Variants in LTBP1 observed in about 807,000 individuals in gnomAD.
LTBP1 encodes latent transforming growth factor beta binding protein 1, also known as latent-transforming growth factor beta-binding protein 1.
A neutral mutation model predicts 207.6 loss-of-function variants in LTBP1; 129 were observed. That is an observed-to-expected ratio of 0.62 (90% confidence interval 0.54 to 0.72). LTBP1 has a LOEUF of 0.72. Ranked by LOEUF, LTBP1 falls within the 30% of genes least tolerant of loss-of-function variation. LTBP1 has a pLI of 0.00. For missense variants in LTBP1, 2,281 were observed against 2,217.2 expected (o/e 1.03, Z -0.58); for synonymous variants, 963 against 833.7 (o/e 1.16, Z -2.67).
intron 22 of LTBP1, among the ~76,000 whole-genome samples, chr2:33,303,643 C>T (rs1446152955): frequency 6.6e-6 from 1 of 152,128 alleles, no homozygotes; most frequent in African/African-American, 2.4e-5. Flanking sequence ...AGCCACCGCA[C>T]CTGGCCTGCA....
chr2:33,103,081 G>T (rs924557287), intron 3 of LTBP1, among the ~76,000 whole-genome samples: 1 of 151,422 alleles, frequency 6.6e-6, no homozygotes, highest in African/African-American at 2.4e-5. Flanking sequence ...TAATCTGTAT[G>T]CTGTATGCAC....
intron 10 of LTBP1, 127 bp downstream of exon 10, chr2:33,243,911 T>C: frequency 9.2e-7 from 1 of 1,084,528 alleles, no homozygotes; most frequent in Non-Finnish European, 1.3e-6. Context: ...TTAATTAAAA[T>C]AACAAGCAAG....
chr2:33,173,957 G>A (rs9678843), intron 5 of LTBP1, among the ~76,000 whole-genome samples: 1,654 of 119,128 alleles, frequency 0.014, 48 homozygotes, highest in Middle Eastern at 0.054. Flanking sequence ...ATTCAACAAC[G>A]CTTCATGCTA....
rs911027969 is a variant in LTBP1, at chr2:33,232,220, A to G, written c.1876+10069A>G. ...AGATGAGGAACCCAATCAGATATCC[A>G]GCATGGGGGATTCTGGCTAAACTAA... On this transcript the variant is annotated intron_variant, in intron 9 of 33. Transcript: ENST00000404816. 4.5e-4 allele frequency among the ~76,000 whole-genome samples: 69 copies of G among 152,290 alleles called. 1 individual carries two copies. Among genetic ancestry groups the G allele is most frequent in the African/African-American group, 7.2e-5 (3 of 41,560 alleles).
At chr2:33,246,926 T>G (rs1244293498) in intron 10 of LTBP1, among the ~76,000 whole-genome samples, 1 of 152,118 alleles carries the variant, frequency 6.6e-6, no homozygotes, top group Non-Finnish European at 1.5e-5. Flanking sequence ...TGCTACCTGA[T>G]TTATGGGGAA....
intron 5 of LTBP1, among the ~76,000 whole-genome samples, chr2:33,145,394 G>A (rs1410045086): frequency 1.3e-5 from 2 of 152,164 alleles, no homozygotes; most frequent in South Asian, 2.1e-4. Flanking sequence ...CTAGTGTAGA[G>A]ATTCAGCCCA....
intron 2 of LTBP1, among the ~76,000 whole-genome samples, chr2:32,950,040 TAA>T (rs1466932860): frequency 5.9e-5 from 9 of 152,368 alleles, no homozygotes; most frequent in East Asian, 5.8e-4. Context: ...CATTTTAGAT[TAA>T]GTCATAATTT....
At chr2:33,257,178 C>A in intron 11 of LTBP1, 106 bp from the exon 12 acceptor site, 1 of 785,074 alleles carries the variant, frequency 1.3e-6, no homozygotes, top group Admixed American at 2.6e-5. Context: ...TAAAATGTAA[C>A]TACATTAGTG....
intron 20 of LTBP1, among the ~76,000 whole-genome samples, chr2:33,298,823 CAA>C (rs1436684932): frequency 6.6e-6 from 1 of 151,984 alleles, no homozygotes; most frequent in African/African-American, 2.4e-5. Context: ...AAATAAGAAA[CAA>C]ATTTTTGAAC....
intron 7 of LTBP1, among the ~76,000 whole-genome samples, chr2:33,213,758 T>C (rs745420790): frequency 2.0e-5 from 3 of 152,238 alleles, no homozygotes; most frequent in Non-Finnish European, 4.4e-5. Context: ...GTTATAACTG[T>C]GACTTCATCT....
At chr2:33,253,473 A>G (rs1402541249) in intron 11 of LTBP1, among the ~76,000 whole-genome samples, 4 of 152,152 alleles carry the variant, frequency 2.6e-5, no homozygotes, top group Non-Finnish European at 1.5e-5. Flanking sequence ...CTACCAATGA[A>G]CCACCAACTT....
Position 33,194,302 on chromosome 2 carries a change from T to C in LTBP1, c.1701+5451T>C, listed in dbSNP as rs368850810. 2.1e-4 allele frequency among the ~76,000 whole-genome samples: 32 copies of C among 152,048 alleles called. No individual in the cohort carries two copies. The East Asian group carries it at 4.6e-3, about 22-fold the overall frequency. On this transcript the variant is annotated intron_variant, in intron 7 of 33. Coordinates refer to ENST00000404816, the MANE Select transcript of LTBP1 (RefSeq NM_206943.4). Reference sequence around the variant, plus strand: ...GCCCGGCCACATCTCTCACTTTAAATCAAAAGCTAAAAATGATTAACCTTA... The same window carrying C: ...GCCCGGCCACATCTCTCACTTTAAACCAAAAGCTAAAAATGATTAACCTTA...
intron 2 of LTBP1, among the ~76,000 whole-genome samples, chr2:33,015,043 A>G (rs1198604290): frequency 5.3e-5 from 8 of 150,122 alleles, no homozygotes; most frequent in East Asian, 2.0e-4. Context: ...CACAGGCTGG[A>G]CTCAATCTCC....
intron 6 of LTBP1, 127 bp downstream of exon 6, chr2:33,187,207 G>A: frequency 1.4e-6 from 1 of 737,212 alleles, no homozygotes; most frequent in Non-Finnish European, 2.2e-6. Flanking sequence ...TTTGTGGCCT[G>A]AGAAATGGCA....
intron 26 of LTBP1, among the ~76,000 whole-genome samples, chr2:33,358,748 C>T (rs1237070575): frequency 3.9e-5 from 6 of 152,064 alleles, no homozygotes; most frequent in African/African-American, 1.2e-4. Context: ...AATAATTGAG[C>T]GGAACTGGTA....
At chr2:33,357,080 C>G (rs2149966755) in intron 26 of LTBP1, among the ~76,000 whole-genome samples, 1 of 152,300 alleles carries the variant, frequency 6.6e-6, no homozygotes, top group South Asian at 2.1e-4. Flanking sequence ...AAGCTCATGT[C>G]CACTTTGACC....
At chr2:33,239,276 C>G (rs2092202567) in intron 9 of LTBP1, among the ~76,000 whole-genome samples, 2 of 152,178 alleles carry the variant, frequency 1.3e-5, no homozygotes, top group South Asian at 2.1e-4. Flanking sequence ...AATTTCTTTC[C>G]TAGTTTCTGT....
At chr2:33,009,435 A>T (rs1687373939) in intron 2 of LTBP1, among the ~76,000 whole-genome samples, 1 of 152,156 alleles carries the variant, frequency 6.6e-6, no homozygotes, top group South Asian at 2.1e-4. Flanking sequence ...GCCATTCCAG[A>T]GAGTGTGTAT....
At chr2:33,011,886 C>T (rs571341925) in intron 2 of LTBP1, among the ~76,000 whole-genome samples, 1 of 152,116 alleles carries the variant, frequency 6.6e-6, no homozygotes, top group Admixed American at 6.6e-5. Flanking sequence ...TGCTCTGTGG[C>T]AGATTTTAAC....
Sources: allele counts gnomAD v4.1 joint callset (sites outside exome capture counted in the v4.1 genomes callset), GRCh38; gene constraint gnomAD v4.1.1; transcripts MANE v1.5; gene names NCBI Gene and HGNC (gene_info 2026-07-23, HGNC 2026-07-21).